UGT1A8: variants seen among roughly 807,000 people sequenced by gnomAD.
UGT1A8 encodes UDP-glucuronosyltransferase 1A8.
Under a neutral mutation model 45.3 loss-of-function variants are expected in UGT1A8, and 39 were observed. The observed-to-expected ratio is 0.86, with a 90% CI of 0.67 to 1.12. The LOEUF (loss-of-function observed/expected upper bound fraction) is 1.12. Among genes scored for constraint, UGT1A8 ranks in the 50% most tolerant of loss-of-function variants. The probability of loss-of-function intolerance (pLI) is 0.00; values close to 1 mark genes in which losing one functional copy is unlikely to be tolerated. For synonymous variants in UGT1A8, 275 were observed against 249.2 expected, an observed-to-expected ratio of 1.10 and a Z score of -0.97; for missense variants, 719 against 664.9, an observed-to-expected ratio of 1.08 and a Z score of -0.90.
intron 1 of UGT1A8, among the ~76,000 whole-genome samples, chr2:233,643,165 G>T (rs185632739): frequency 1.3e-5 from 2 of 152,304 alleles, no homozygotes; most frequent in South Asian, 2.1e-4. Context: ...GCCCTGGGTG[G>T]GTCCAGAAGT....
At chr2:233,667,593 G>A (rs192996221) in intron 1 of UGT1A8, among the ~76,000 whole-genome samples, 126 of 152,242 alleles carry the variant, frequency 8.3e-4, no homozygotes, top group Admixed American at 2.8e-3. Context: ...GAGTGAACAG[G>A]CAACTTACAG....
At chr2:233,673,162 A>T (rs924288300) in intron 1 of UGT1A8, among the ~76,000 whole-genome samples, 8 of 152,208 alleles carry the variant, frequency 5.3e-5, no homozygotes, top group African/African-American at 1.9e-4. Context: ...TTAAAAAAGT[A>T]CTTTAGGTAT....
chr2:233,702,732 C>A (rs1221378723), intron 1 of UGT1A8, among the ~76,000 whole-genome samples: 1 of 152,088 alleles, frequency 6.6e-6, no homozygotes, highest in African/African-American at 2.4e-5. Flanking sequence ...ACATGGTTTT[C>A]TTTTTGGTCC....
At chr2:233,691,028 C>T in intron 1 of UGT1A8, 1 of 991,438 alleles carries the variant, frequency 1.0e-6, no homozygotes, top group Non-Finnish European at 1.2e-6. Flanking sequence ...TGGAAGGGCT[C>T]AGACCAACGT....
chr2:233,703,033 C>T (rs2075720547), intron 1 of UGT1A8, among the ~76,000 whole-genome samples: 3 of 152,196 alleles, frequency 2.0e-5, no homozygotes, highest in African/African-American at 7.2e-5. Flanking sequence ...GGTATTCATT[C>T]TTTACATATT....
intron 1 of UGT1A8, chr2:233,692,916 A>G (rs1474045639): frequency 6.4e-7 from 1 of 1,563,928 alleles, no homozygotes; most frequent in African/African-American, 1.4e-5. Context: ...TGTGAAAAGC[A>G]GTGGTTAGTT....
At chr2:233,692,935 A>C (rs2075120716) in intron 1 of UGT1A8, 1 of 1,587,686 alleles carries the variant, frequency 6.3e-7, no homozygotes, top group African/African-American at 1.3e-5. Context: ...TTTAGGGAAA[A>C]TACCTAGGAG....
chr2:233,710,462 G>A (rs1359524823), intron 1 of UGT1A8, among the ~76,000 whole-genome samples: 1 of 152,186 alleles, frequency 6.6e-6, no homozygotes, highest in Non-Finnish European at 1.5e-5. Flanking sequence ...CCATCCTAAT[G>A]GGTGTGTAGT....
intron 1 of UGT1A8, among the ~76,000 whole-genome samples, chr2:233,711,994 G>A (rs28898596): frequency 0.1 from 15,482 of 152,248 alleles, 907 homozygotes; most frequent in East Asian, 0.2. Flanking sequence ...AAATTATTCT[G>A]TTCTGGAGGA....
chr2:233,646,953 G>GGA (rs1219560474), intron 1 of UGT1A8, among the ~76,000 whole-genome samples: 5 of 152,168 alleles, frequency 3.3e-5, no homozygotes, highest in Admixed American at 6.5e-5. Context: ...CTGAGACTAA[G>GGA]GAATTTACAA....
At chr2:233,664,352 A>T (rs180972783) in intron 1 of UGT1A8, among the ~76,000 whole-genome samples, 12 of 152,304 alleles carry the variant, frequency 7.9e-5, no homozygotes, top group Admixed American at 7.2e-4. Flanking sequence ...CAGTATCTTT[A>T]TAGCAACATC....
chr2:233,619,784 T>A (rs1327083237), intron 1 of UGT1A8, among the ~76,000 whole-genome samples: 4 of 152,232 alleles, frequency 2.6e-5, no homozygotes, highest in Non-Finnish European at 5.9e-5. Flanking sequence ...TATTTTGTAG[T>A]ATGCATTAGA....
intron 1 of UGT1A8, among the ~76,000 whole-genome samples, chr2:233,685,021 G>A (rs1484971978): frequency 6.6e-6 from 1 of 152,164 alleles, no homozygotes; most frequent in African/African-American, 2.4e-5. Flanking sequence ...GTATGTGTCT[G>A]TATGTGCAGG....
intron 1 of UGT1A8, chr2:233,692,821 C>T (rs934359609): frequency 1.4e-6 from 2 of 1,433,108 alleles, no homozygotes; most frequent in Non-Finnish European, 1.8e-6. Context: ...TCATATTAAC[C>T]ATGTGATTAA....
At chr2:233,724,310 G>A (rs1212736933) in intron 1 of UGT1A8, among the ~76,000 whole-genome samples, 12 of 140,982 alleles carry the variant, frequency 8.5e-5, no homozygotes, top group African/African-American at 1.3e-4. Context: ...CCTCCCTCCC[G>A]GACGGGGCGG....
chr2:233,689,509 A>T (rs1001968532), intron 1 of UGT1A8, among the ~76,000 whole-genome samples: 2 of 152,238 alleles, frequency 1.3e-5, no homozygotes, highest in African/African-American at 4.8e-5. Flanking sequence ...CAGAGGTTAC[A>T]CATTGGTTTG....
At chr2:233,719,049 C>T in intron 1 of UGT1A8, 1 of 1,614,286 alleles carries the variant, frequency 6.2e-7, no homozygotes, top group South Asian at 1.1e-5. Flanking sequence ...ATTTTTCACC[C>T]TGACAGCCTA....
intron 1 of UGT1A8, among the ~76,000 whole-genome samples, chr2:233,633,635 T>A (rs2073229813): frequency 6.6e-6 from 1 of 152,242 alleles, no homozygotes; most frequent in Non-Finnish European, 1.5e-5. Flanking sequence ...AGTTTGTATT[T>A]CTGTGGGCTC....
Position 233,697,763 on chromosome 2 carries a change from C to T in UGT1A8, c.856-69271C>T, listed in dbSNP as rs369602705. On this transcript the variant is annotated intron_variant, in intron 1 of 4. Coordinates refer to ENST00000373450, the MANE Select transcript of UGT1A8 (RefSeq NM_019076.5). ...TTGCTATAGCCCATAGATTTTGATACATTGTGTTTCCATTTTCATTCGTTT... is the reference window on the plus strand; with the variant it reads ...TTGCTATAGCCCATAGATTTTGATATATTGTGTTTCCATTTTCATTCGTTT... Among the ~76,000 whole-genome samples the T allele has an allele frequency of 3.3e-5, 5 of 151,988 alleles. No homozygotes were observed. The South Asian group carries it at 1.0e-3, about 32-fold the overall frequency.
Sources: allele counts gnomAD v4.1 joint callset (sites outside exome capture counted in the v4.1 genomes callset), GRCh38; gene constraint gnomAD v4.1.1; transcripts MANE v1.5; gene names NCBI Gene and HGNC (gene_info 2026-07-23, HGNC 2026-07-21).